The following CSGALNACT1 variants were observed in gnomAD, a reference collection of about 807,000 sequenced individuals.
CSGALNACT1 encodes beta4GalNAcT-1.
In CSGALNACT1, 52 loss-of-function variants were observed where a neutral mutation model predicts 51.0. The ratio of observed to expected loss-of-function variants is 1.02; its 90% CI spans 0.82 to 1.29. The LOEUF (loss-of-function observed/expected upper bound fraction) is 1.29. Among genes scored for constraint, CSGALNACT1 ranks in the 50% most tolerant of loss-of-function variants. CSGALNACT1 has a pLI of 0.00. For synonymous variants in CSGALNACT1, 341 were observed against 254.4 expected (o/e 1.34, Z -3.24); for missense variants, 935 against 679.2 (o/e 1.38, Z -4.19).
At chr8:19,453,899 G>C (rs1337032494) in intron 5 of CSGALNACT1, among the ~76,000 whole-genome samples, 2 of 141,380 alleles carry the variant, frequency 1.4e-5, no homozygotes, top group African/African-American at 5.0e-5. Flanking sequence ...GTGACAGAGT[G>C]ATACTCCTCC....
At chr8:19,453,505 G>A (rs1200431074) in intron 5 of CSGALNACT1, among the ~76,000 whole-genome samples, 2 of 152,142 alleles carry the variant, frequency 1.3e-5, no homozygotes, top group Non-Finnish European at 2.9e-5. Flanking sequence ...CCATGAAACA[G>A]AGAATCCAAT....
chr8:19,490,673 G>A (rs990104328), intron 4 of CSGALNACT1, among the ~76,000 whole-genome samples: 1 of 152,154 alleles, frequency 6.6e-6, no homozygotes, highest in Admixed American at 6.5e-5. Context: ...TCACAATGCA[G>A]GAGAAGTGGA....
At chr8:19,734,002 C>A (rs1271843652) in intron 1 of CSGALNACT1, among the ~76,000 whole-genome samples, 3 of 152,132 alleles carry the variant, frequency 2.0e-5, no homozygotes, top group African/African-American at 7.2e-5. Flanking sequence ...CACCAGGGAG[C>A]CAGGGCTATC....
chr8:19,443,484 C>T (rs2061644597), intron 5 of CSGALNACT1, among the ~76,000 whole-genome samples: 1 of 152,172 alleles, frequency 6.6e-6, no homozygotes, highest in Non-Finnish European at 1.5e-5. Flanking sequence ...CACAGTTCCA[C>T]ATGGATGGGG....
At chr8:19,633,292 C>G (rs911354396) in intron 1 of CSGALNACT1, among the ~76,000 whole-genome samples, 2 of 151,908 alleles carry the variant, frequency 1.3e-5, no homozygotes, top group Admixed American at 6.6e-5. Flanking sequence ...TTTTTGTGAT[C>G]CTTTCCTTCC....
At chr8:19,408,769 G>C (rs1039135120) in intron 8 of CSGALNACT1, 75 bp from the exon 8 acceptor site, 1 of 1,313,630 alleles carries the variant, frequency 7.6e-7, no homozygotes, top group African/African-American at 1.4e-5. Flanking sequence ...ACTCCTGTGA[G>C]CCACCGTGGA....
chr8:19,528,087 T>G (rs561196285), intron 3 of CSGALNACT1, among the ~76,000 whole-genome samples: 1 of 152,112 alleles, frequency 6.6e-6, no homozygotes, highest in Non-Finnish European at 1.5e-5. Flanking sequence ...CACATTGTTA[T>G]GAACTTGGGG....
chr8:19,436,765 G>A (rs2153741757), intron 6 of CSGALNACT1, among the ~76,000 whole-genome samples: 1 of 152,166 alleles, frequency 6.6e-6, no homozygotes, highest in East Asian at 1.9e-4. Flanking sequence ...ATAAAAATTA[G>A]CCGGGCATGG....
intron 1 of CSGALNACT1, among the ~76,000 whole-genome samples, chr8:19,621,987 AAAC>A (rs1179866904): frequency 6.6e-6 from 1 of 152,242 alleles, no homozygotes; most frequent in African/African-American, 2.4e-5. Context: ...CCTACACAAC[AAAC>A]AATAACTCAA....
chr8:19,434,727 T>A (rs1313260113), intron 6 of CSGALNACT1, among the ~76,000 whole-genome samples: 1 of 152,076 alleles, frequency 6.6e-6, no homozygotes, highest in Non-Finnish European at 1.5e-5. Flanking sequence ...AAGGTGCTAC[T>A]CCCTGTCCCT....
intron 5 of CSGALNACT1, among the ~76,000 whole-genome samples, chr8:19,449,812 A>AT (rs2062779717): frequency 6.6e-6 from 1 of 151,822 alleles, no homozygotes; most frequent in East Asian, 2.0e-4. Context: ...ATTGAGAAAG[A>AT]TTTTTTTTAA....
At chr8:19,457,286 C>CATT (rs1275480989) in intron 5 of CSGALNACT1, among the ~76,000 whole-genome samples, 2 of 152,188 alleles carry the variant, frequency 1.3e-5, no homozygotes, top group Non-Finnish European at 2.9e-5. Flanking sequence ...TTATACTGAA[C>CATT]ATTATGCCTT....
At chr8:19,672,107 T>C (rs1338077926) in intron 1 of CSGALNACT1, among the ~76,000 whole-genome samples, 1 of 152,242 alleles carries the variant, frequency 6.6e-6, no homozygotes, top group Non-Finnish European at 1.5e-5. Context: ...AGGGCATCAG[T>C]ATCTTAAAGC....
chr8:19,412,921 T>C (rs2056152203), intron 8 of CSGALNACT1, among the ~76,000 whole-genome samples: 1 of 152,136 alleles, frequency 6.6e-6, no homozygotes, highest in South Asian at 2.1e-4. Flanking sequence ...TGCCCTCTTC[T>C]TGTGGCTTCT....
intron 1 of CSGALNACT1, among the ~76,000 whole-genome samples, chr8:19,627,646 A>G (rs1156477238): frequency 1.3e-5 from 2 of 152,138 alleles, no homozygotes; most frequent in Non-Finnish European, 2.9e-5. Flanking sequence ...CAACAAAGCG[A>G]GACCTGTCTC....
At chr8:19,577,830 G>A (rs73595416) in intron 3 of CSGALNACT1, among the ~76,000 whole-genome samples, 2,675 of 152,158 alleles carry the variant, frequency 0.018, 23 homozygotes, top group Middle Eastern at 0.054. Flanking sequence ...TTAGAGAGGC[G>A]GCTGAGATGC....
chr8:19,706,174 T>A (rs552611771), intron 1 of CSGALNACT1, among the ~76,000 whole-genome samples: 4 of 152,212 alleles, frequency 2.6e-5, no homozygotes, highest in Non-Finnish European at 4.4e-5. Context: ...AGGCCTTATG[T>A]CTTTGTGAAC....
intron 3 of CSGALNACT1, among the ~76,000 whole-genome samples, chr8:19,560,542 T>G (rs2040472294): frequency 1.3e-5 from 2 of 152,056 alleles, no homozygotes; most frequent in African/African-American, 4.8e-5. Context: ...AACAATTCAA[T>G]AGATACACAA....
intron 1 of CSGALNACT1, among the ~76,000 whole-genome samples, chr8:19,669,112 T>C (rs1278753412): frequency 2.0e-5 from 3 of 152,212 alleles, no homozygotes; most frequent in African/African-American, 4.8e-5. Flanking sequence ...GTGGATTTCA[T>C]TCAAAAGTAT....
Sources: gnomAD v4.1 joint callset for allele counts (sites outside exome capture counted in the v4.1 genomes callset) on GRCh38, gnomAD v4.1.1 for gene constraint, MANE v1.5 for transcripts, NCBI Gene and HGNC (gene_info 2026-07-23, HGNC 2026-07-21) for gene names.